Variants in KIAA1217 observed in about 807,000 individuals in gnomAD.
The protein encoded by KIAA1217 is KIAA1217.
In KIAA1217, 88 loss-of-function variants were observed where a neutral mutation model predicts 163.9. That is an observed-to-expected ratio of 0.54 (90% CI 0.45 to 0.64). The LOEUF is 0.64. KIAA1217 is among the 30% of genes least tolerant of loss of function. The pLI is 0.00. For synonymous variants in KIAA1217, 903 were observed against 923.1 expected (o/e 0.98, Z 0.39); for missense variants, 2,372 against 2,475.0 (o/e 0.96, Z 0.88).
intron 2 of KIAA1217, among the ~76,000 whole-genome samples, chr10:24,354,403 G>A (rs1183551285): frequency 6.6e-6 from 1 of 152,176 alleles, no homozygotes; most frequent in African/African-American, 2.4e-5. Context: ...CCCCACAGTA[G>A]CATCTAGGGG....
chr10:24,503,049 C>G (rs2067874920), intron 9 of KIAA1217, among the ~76,000 whole-genome samples: 1 of 152,200 alleles, frequency 6.6e-6, no homozygotes, highest in South Asian at 2.1e-4. Flanking sequence ...CCTCCTGAGC[C>G]CTTTCCTCTA....
At chr10:24,236,484 T>G (rs1189979442) in intron 2 of KIAA1217, among the ~76,000 whole-genome samples, 2 of 152,138 alleles carry the variant, frequency 1.3e-5, no homozygotes, top group Non-Finnish European at 2.9e-5. Context: ...CCTCAGGTGA[T>G]CCACCCTACT....
intron 2 of KIAA1217, among the ~76,000 whole-genome samples, chr10:24,344,478 A>G (rs2047481707): frequency 1.3e-5 from 2 of 152,204 alleles, no homozygotes; most frequent in Non-Finnish European, 2.9e-5. Context: ...CTTCTTGCAG[A>G]GCAGGAAGTT....
intron 2 of KIAA1217, among the ~76,000 whole-genome samples, chr10:24,177,258 CATATATATATATATATATAT>C (rs1210930891): frequency 4.0e-5 from 1 of 25,146 alleles, no homozygotes; most frequent in African/African-American, 1.8e-4. Flanking sequence ...CTCTCACCAT[CATATATATATATATATATAT>C]ATATATATAT....
upstream of KIAA1217, chr10:24,208,821 A>T (rs992827288): frequency 1.0e-5 from 2 of 192,522 alleles, no homozygotes; most frequent in African/African-American, 2.4e-5. Context: ...CAGTGGAACC[A>T]GGCAGGCCCA....
At chr10:23,822,407 A>C (rs1350172201) in intron 1 of KIAA1217, among the ~76,000 whole-genome samples, 1 of 152,228 alleles carries the variant, frequency 6.6e-6, no homozygotes, top group Non-Finnish European at 1.5e-5. Flanking sequence ...TCTTGAACAC[A>C]CACATATCAG....
intron 2 of KIAA1217, among the ~76,000 whole-genome samples, chr10:24,336,213 G>A (rs1027290511): frequency 3.3e-5 from 5 of 152,158 alleles, no homozygotes; most frequent in Non-Finnish European, 7.3e-5. Context: ...TTGCACTCCA[G>A]CCTGGGCAAC....
chr10:24,494,610 AAAG>A lies in KIAA1217; in HGVS notation c.1784+12_1784+14del, dbSNP rs1564795113. On this transcript the variant is annotated splice_region_variant and intron_variant, in intron 7 of 20. Coordinates refer to ENST00000376454, the MANE Select transcript of KIAA1217 (RefSeq NM_019590.5). The stretch of plus-strand genomic sequence containing the variant: ...TATAGCAAAGATGCGTCTAGGTAAA[AAAG>A]AAGAAAGCCAATGAAAAAAATAATT... The A allele has an allele frequency of 1.9e-5, 30 of 1,557,582 alleles. No homozygotes were observed. The highest frequency in any genetic ancestry group is 2.6e-5 in the Non-Finnish European group (30 of 1,135,590).
intron 2 of KIAA1217, among the ~76,000 whole-genome samples, chr10:24,250,844 C>T (rs538666948): frequency 6.6e-6 from 1 of 150,882 alleles, no homozygotes; most frequent in Non-Finnish European, 1.5e-5. Context: ...AATCCCAGCA[C>T]TTAAGGAGGT....
In KIAA1217 at chr10:24,480,860, T is replaced by G. The variant is rs1592272309; in HGVS notation, c.1679+6800T>G. The stretch of plus-strand genomic sequence containing the variant: ...GCTTACAGATCCAAATTAGAATGTT[T>G]AGAGTATCAAAACTGCTTCGAAGTT... On this transcript the variant is annotated intron_variant, in intron 6 of 20. Transcript: ENST00000376454. Among the ~76,000 whole-genome samples the G allele has an allele frequency of 5.3e-5, 8 of 152,302 alleles. No homozygotes were observed. In the South Asian group the frequency reaches 1.7e-3, roughly 32 times the overall value.
chr10:24,508,501 A>G (rs1283055563), intron 9 of KIAA1217, among the ~76,000 whole-genome samples: 2 of 152,342 alleles, frequency 1.3e-5, no homozygotes, highest in East Asian at 3.9e-4. Context: ...CAGTATGGCT[A>G]GAGAAAGAAA....
intron 1 of KIAA1217, among the ~76,000 whole-genome samples, chr10:23,841,654 A>G (rs1159724477): frequency 6.6e-6 from 1 of 151,522 alleles, no homozygotes; most frequent in Non-Finnish European, 1.5e-5. Flanking sequence ...GCTTCTGTTT[A>G]TTTTGTCCCA....
chr10:23,918,733 T>TACACACACACAC (rs1554823731), intron 1 of KIAA1217, among the ~76,000 whole-genome samples: 8 of 147,476 alleles, frequency 5.4e-5, no homozygotes, highest in African/African-American at 1.8e-4. Context: ...ATTAAATATA[T>TACACACACACAC]ACACACACAC....
At chr10:24,366,210 C>T (rs1174583758) in intron 2 of KIAA1217, among the ~76,000 whole-genome samples, 2 of 151,930 alleles carry the variant, frequency 1.3e-5, no homozygotes, top group Non-Finnish European at 2.9e-5. Context: ...TTTGGGAGGC[C>T]GAAGCAGGCA....
chr10:23,769,463 C>T (rs911639594), intron 1 of KIAA1217, among the ~76,000 whole-genome samples: 3 of 152,186 alleles, frequency 2.0e-5, no homozygotes, highest in African/African-American at 7.2e-5. Context: ...AATTTCTAAC[C>T]TTTTGGCTAA....
chr10:23,934,606 T>TATATATATATATAC (rs1491195575), intron 1 of KIAA1217, among the ~76,000 whole-genome samples: 1 of 76,288 alleles, frequency 1.3e-5, no homozygotes, highest in African/African-American at 1.4e-4. Context: ...TATATATATA[T>TATATATATATATAC]GTATATATAT....
intron 5 of KIAA1217, among the ~76,000 whole-genome samples, chr10:24,440,852 T>C (rs2060440411): frequency 6.6e-6 from 1 of 152,222 alleles, no homozygotes; most frequent in Non-Finnish European, 1.5e-5. Context: ...CAGCTAGGTG[T>C]GATCATGCCT....
At chr10:24,043,663 T>G (rs867148750) in intron 2 of KIAA1217, among the ~76,000 whole-genome samples, 6 of 152,252 alleles carry the variant, frequency 3.9e-5, no homozygotes, top group Middle Eastern at 6.8e-3. Context: ...AAAAACTTTC[T>G]TTTCTGTTAG....
chr10:24,497,090 C>T (rs1290025826), intron 8 of KIAA1217, among the ~76,000 whole-genome samples: 1 of 152,150 alleles, frequency 6.6e-6, no homozygotes, highest in Non-Finnish European at 1.5e-5. Context: ...CCATAGCAGC[C>T]TTGTATAGTG....
Sources: gnomAD v4.1 joint callset for allele counts (sites outside exome capture counted in the v4.1 genomes callset) on GRCh38, gnomAD v4.1.1 for gene constraint, MANE v1.5 for transcripts, NCBI Gene and HGNC (gene_info 2026-07-23, HGNC 2026-07-21) for gene names.